Variants in DGKA observed in about 807,000 individuals in gnomAD.
DGKA encodes the protein 80 kDa diacylglycerol kinase.
In DGKA, 35 loss-of-function variants were observed where a neutral mutation model predicts 105.0. That is an observed-to-expected ratio of 0.33 (90% CI 0.25 to 0.44). The LOEUF is 0.44. DGKA is among the 20% of genes least tolerant of loss of function. The pLI is 1.00. For missense variants in DGKA, 665 were observed against 915.0 expected, an observed-to-expected ratio of 0.73 and a Z score of 3.53; for synonymous variants, 296 against 332.0, an observed-to-expected ratio of 0.89 and a Z score of 1.18.
chr12:55,951,461 C>T (rs1457401316), intron 17 of DGKA, among the ~76,000 whole-genome samples, 162 bp from the exon 18 acceptor site: 4 of 152,146 alleles, frequency 2.6e-5, no homozygotes, highest in Non-Finnish European at 5.9e-5. Context: ...GAGGAAAGGT[C>T]CATGGGAGCT....
intron 17 of DGKA, among the ~76,000 whole-genome samples, chr12:55,951,213 C>T (rs141717033): frequency 1.9e-3 from 293 of 152,234 alleles, no homozygotes; most frequent in Non-Finnish European, 3.1e-3. Context: ...TACTATTGAA[C>T]CTTTTATTGC....
chr12:55,942,395 A>G, intron 17 of DGKA, 132 bp downstream of exon 17: 1 of 817,046 alleles, frequency 1.2e-6, no homozygotes, highest in Non-Finnish European at 2.0e-6. Flanking sequence ...AGGTGGATAC[A>G]AAAGTGGAAT....
chr12:55,937,383 A>G, intron 3 of DGKA, 25 bp from the exon 4 acceptor site: 1 of 1,611,050 alleles, frequency 6.2e-7, no homozygotes, highest in Non-Finnish European at 8.5e-7. Flanking sequence ...CAGACTCCCC[A>G]GGATAATGCT....
upstream of DGKA, chr12:55,927,741 A>G (rs1317889446): frequency 1.3e-6 from 2 of 1,539,848 alleles, no homozygotes; most frequent in Admixed American, 2.0e-5. Flanking sequence ...CCGTAGCCGC[A>G]GGGCTGCCGG....
chr12:55,936,403 G>T lies in DGKA; in HGVS notation c.-81-20G>T, dbSNP rs1427889982. 2.6e-6 allele frequency: 4 copies of T among 1,512,468 alleles called. No homozygotes were observed. Among genetic ancestry groups the T allele is most frequent in the Admixed American group, 4.4e-5 (2 of 45,424 alleles). The allele number at this position is 1,512,468 out of a possible 1,614,324, so 93.7% of individuals were successfully genotyped here. ...AGACAGCTGGCTCTTCCCACTGTAC[G>T]CTCTGTCACCTTTCCCCAGGCCTAC... On this transcript the variant is annotated intron_variant, in intron 1 of 23. Transcript: ENST00000331886.
chr12:55,936,175 G>T, intron 1 of DGKA: 1 of 547,456 alleles, frequency 1.8e-6, no homozygotes, highest in Non-Finnish European at 2.7e-6. Flanking sequence ...TTGGGGGAGA[G>T]GGAGAAGGAT....
chr12:55,939,234 G>C lies in DGKA; in HGVS notation c.523G>C (p.Val175Leu), dbSNP rs1885394726. 6.2e-7 allele frequency: 1 copy of C among 1,614,226 alleles called. No homozygotes were observed. ...KEIDYDGSGS[V>L]SQAEWVRAGA... ...GATTGACTATGATGGCAGTGGCTCT[G>C]TCTCTCAAGCTGAGTGGGTCCGGGC... is the stretch of plus-strand genomic sequence containing the variant. The change falls in exon 8 of 24, where the codon GTC (valine) becomes CTC (leucine). Residue 175 changes from valine to leucine, a missense_variant. By Grantham distance (32) the Val-to-Leu change is conservative. Transcript: ENST00000331886.
intron 3 of DGKA, 110 bp downstream of exon 3, chr12:55,937,200 G>A: frequency 7.6e-7 from 1 of 1,308,386 alleles, no homozygotes; most frequent in Non-Finnish European, 1.1e-6. Context: ...CCCCTCTAGA[G>A]ATACCCTAGT....
intron 17 of DGKA, among the ~76,000 whole-genome samples, chr12:55,948,062 AT>A (rs1417702275): frequency 6.7e-6 from 1 of 148,570 alleles, no homozygotes; most frequent in African/African-American, 2.5e-5. Flanking sequence ...AAGTGCTGGG[AT>A]TACAAGTGTG....
At chr12:55,946,702 C>T (rs989391202) in intron 17 of DGKA, among the ~76,000 whole-genome samples, 21 of 152,170 alleles carry the variant, frequency 1.4e-4, no homozygotes, top group Non-Finnish European at 2.9e-4. Context: ...CTTTGAGAAG[C>T]TAGTATTCTG....
intron 17 of DGKA, 88 bp from the exon 18 acceptor site, chr12:55,951,535 G>A (rs1888144446): frequency 5.6e-6 from 8 of 1,425,850 alleles, no homozygotes; most frequent in Non-Finnish European, 7.7e-6. Flanking sequence ...CAGGGCAGAA[G>A]GCCCCTGGGA....
upstream of DGKA, chr12:55,928,170 T>C (rs1322947343): frequency 5.2e-6 from 1 of 190,822 alleles, no homozygotes; most frequent in East Asian, 1.3e-4. Flanking sequence ...CCCTACAGCC[T>C]GAGAGGAGCC....
chr12:55,932,317 G>A lies in DGKA; in HGVS notation c.-82+973G>A. On this transcript the variant is annotated intron_variant, in intron 1 of 23. Transcript: ENST00000331886. This position sits in a 1 kb window ranked among gnomAD's most constrained non-coding sequence, Gnocchi z 4.3. ...AGCGGGAGGGCTGGGCCCGAACCCG[G>A]TGGGTAACGTTTCCCAGACCTTCCC... is the stretch of plus-strand genomic sequence containing the variant. 1.8e-6 allele frequency: 1 copy of A among 561,612 alleles called. No homozygotes were observed. The highest frequency in any genetic ancestry group is 2.0e-5 in the South Asian group (1 of 49,008). 34.8% of individuals were successfully genotyped at this position (561,612 alleles called of 1,614,324 possible).
At chr12:55,928,051 G>A (rs1376531894), upstream of DGKA, 2 of 466,844 alleles carry the variant, frequency 4.3e-6, no homozygotes, top group Non-Finnish European at 7.6e-6. Context: ...TTGTAGTCCT[G>A]CCCTGCGCCG....
intron 1 of DGKA, chr12:55,931,955 C>T (rs1379475294): frequency 6.8e-6 from 1 of 146,860 alleles, no homozygotes; most frequent in Non-Finnish European, 1.5e-5. Flanking sequence ...TCGGGGGCGC[C>T]GGGCGCGGGC....
chr12:55,936,826 T>C, intron 2 of DGKA, 191 bp from the exon 3 acceptor site: 1 of 802,710 alleles, frequency 1.2e-6, no homozygotes, highest in Non-Finnish European at 2.2e-6. Flanking sequence ...GACTGCTTGC[T>C]CCAGCTCTCA....
upstream of DGKA, chr12:55,927,780 C>G (rs1419614889): frequency 4.4e-5 from 68 of 1,537,586 alleles, no homozygotes; most frequent in Non-Finnish European, 5.8e-5. Context: ...AGGCAGCGGA[C>G]CAGGTTGGGC....
intron 17 of DGKA, among the ~76,000 whole-genome samples, chr12:55,944,425 A>G (rs1886617930): frequency 6.6e-6 from 1 of 152,232 alleles, no homozygotes; most frequent in Non-Finnish European, 1.5e-5. Flanking sequence ...CCATGATTGC[A>G]CCACTGCACT....
upstream of DGKA, among the ~76,000 whole-genome samples, chr12:55,928,492 A>C (rs1218168465): frequency 6.6e-6 from 1 of 151,746 alleles, no homozygotes; most frequent in East Asian, 1.9e-4. Flanking sequence ...CCTGGCCAAG[A>C]TGGCGAAACC....
Sources: allele counts gnomAD v4.1 joint callset (sites outside exome capture counted in the v4.1 genomes callset), GRCh38; gene constraint gnomAD v4.1.1; non-coding constraint Gnocchi (gnomAD v3.1); transcripts MANE v1.5; gene names NCBI Gene and HGNC (gene_info 2026-07-23, HGNC 2026-07-21).